Variants in KIF26B observed in about 807,000 individuals in gnomAD.
KIF26B encodes kinesin-like protein KIF26B.
Under a neutral mutation model 151.2 loss-of-function variants are expected in KIF26B, and 63 were observed. That is an observed-to-expected ratio of 0.42 (90% confidence interval 0.34 to 0.51). The LOEUF is 0.51. Among genes scored for constraint, KIF26B ranks in the 20% least tolerant of loss-of-function variants. The pLI is 0.07. For missense variants in KIF26B, 2,813 were observed against 2,913.6 expected (o/e 0.97, Z 0.79); for synonymous variants, 1,357 against 1,262.1 (o/e 1.08, Z -1.59).
intron 14 of KIF26B, among the ~76,000 whole-genome samples, chr1:245,700,922 TTTCA>T (rs2044762183): frequency 6.6e-6 from 1 of 152,238 alleles, no homozygotes; most frequent in African/African-American, 2.4e-5. Flanking sequence ...AGGGGCCTCC[TTTCA>T]GTCAGTCAGT....
rs915828164 is a variant in KIF26B, at chr1:245,709,425, T to C, written c.*6819T>C. Reference sequence around the variant, plus strand: ...CTATGGTGGCATTAAATGTTCACTTTTATTCTACCCAGAGTTGTGAATTCC... The same window carrying C: ...CTATGGTGGCATTAAATGTTCACTTCTATTCTACCCAGAGTTGTGAATTCC... On this transcript the variant is annotated 3_prime_UTR_variant, in exon 15 of 15. Coordinates refer to ENST00000407071, the MANE Select transcript of KIF26B (RefSeq NM_018012.4). 1 of 152,236 alleles carries C rather than the reference T, an allele frequency of 6.6e-6. No individual in the cohort carries two copies. The highest frequency in any genetic ancestry group is 2.4e-5 in the African/African-American group (1 of 41,466). 9.4% of individuals were successfully genotyped at this position (152,236 alleles called of 1,614,324 possible).
rs759427882 is a variant in KIF26B, at chr1:245,698,955, C to T, written c.6096C>T (p.Arg2032=). The T allele has an allele frequency of 1.5e-5, 24 of 1,613,876 alleles. No homozygotes were observed. The highest frequency in any genetic ancestry group is 1.6e-4 in the Middle Eastern group (1 of 6,084). Reference sequence around the variant, plus strand: ...GCCAGCAGAGGATCGCCGAGGTCCGCGCGAAGTACGAGTGGCTGATGAAGG... The same window carrying T: ...GCCAGCAGAGGATCGCCGAGGTCCGTGCGAAGTACGAGTGGCTGATGAAGG... ...EHRQQRIAEV[R]AKYEWLMKEL... is the part of the protein sequence containing the mutation. Residue 2032 remains arginine (R), a synonymous_variant, in exon 14 of 15, where the codon CGC becomes CGT. Coordinates refer to ENST00000407071, the MANE Select transcript of KIF26B (RefSeq NM_018012.4). This position sits in a 1 kb window ranked among gnomAD's most constrained non-coding sequence, Gnocchi z 4.0.
chr1:245,579,370 C>G (rs1398443280), intron 5 of KIF26B, among the ~76,000 whole-genome samples: 3 of 152,196 alleles, frequency 2.0e-5, no homozygotes, highest in African/African-American at 7.2e-5. Flanking sequence ...CAGTAGGGTG[C>G]ATCTGTAGTC....
intron 9 of KIF26B, among the ~76,000 whole-genome samples, chr1:245,625,777 G>A (rs1383085748): frequency 5.7e-5 from 6 of 105,432 alleles, no homozygotes; most frequent in Non-Finnish European, 1.2e-4. Flanking sequence ...CCCCTCCCCC[G>A]GCACCCCACA....
Position 245,685,651 on chromosome 1 carries a change from G to T in KIF26B, c.2668G>T (p.Val890Phe), listed in dbSNP as rs2044502408. The part of the protein sequence containing the change: ...LTDNEGPPDF[V>F]PIVPALQKTR... ...CGACAACGAGGGCCCCCCAGACTTT[G>T]TCCCTATCGTGCCAGCCCTGCAGAA... The change falls in exon 12 of 15, where the codon GTC becomes TTC. Residue 890 changes from valine to phenylalanine, a missense_variant. Transcript: ENST00000407071. 1.9e-6 allele frequency: 3 copies of T among 1,613,308 alleles called. No homozygotes were observed. Among genetic ancestry groups the T allele is most frequent in the South Asian group, 2.2e-5 (2 of 91,030 alleles).
At chr1:245,285,149 C>T (rs975000707) in intron 2 of KIF26B, among the ~76,000 whole-genome samples, 13 of 152,364 alleles carry the variant, frequency 8.5e-5, no homozygotes, top group African/African-American at 2.6e-4. Context: ...CTTGGTGCCC[C>T]GCTGTGGGCT....
intron 2 of KIF26B, among the ~76,000 whole-genome samples, chr1:245,268,077 TG>T (rs1050340154): frequency 6.6e-6 from 1 of 151,714 alleles, no homozygotes. Context: ...GACATGGGGG[TG>T]GAAGGATCAC....
chr1:245,596,778 G>T (rs966250667), intron 5 of KIF26B, among the ~76,000 whole-genome samples: 1 of 152,152 alleles, frequency 6.6e-6, no homozygotes, highest in African/African-American at 2.4e-5. Context: ...AAATCTCTTT[G>T]TAGGTCTCTG....
intron 3 of KIF26B, among the ~76,000 whole-genome samples, chr1:245,398,455 A>G (rs890893849): frequency 6.6e-6 from 1 of 152,066 alleles, no homozygotes. Flanking sequence ...CTCCTCCTGT[A>G]TGTCTGTCCA....
At chr1:245,299,128 G>A (rs1306172925) in intron 2 of KIF26B, among the ~76,000 whole-genome samples, 1 of 152,132 alleles carries the variant, frequency 6.6e-6, no homozygotes, top group Non-Finnish European at 1.5e-5. Flanking sequence ...TTAGCTTAAC[G>A]CTCATTCCCA....
chr1:245,588,716 C>T (rs917759985), intron 5 of KIF26B, among the ~76,000 whole-genome samples: 1 of 152,190 alleles, frequency 6.6e-6, no homozygotes, highest in African/African-American at 2.4e-5. Flanking sequence ...TGCGTAAACC[C>T]AACTGGTTCC....
chr1:245,219,341 C>T (rs1205892744), intron 2 of KIF26B, among the ~76,000 whole-genome samples: 1 of 151,734 alleles, frequency 6.6e-6, no homozygotes, highest in East Asian at 2.0e-4. Flanking sequence ...GGATGGTCTC[C>T]ATCTTCTGAC....
At chr1:245,161,291 T>G (rs1237251656) in intron 2 of KIF26B, among the ~76,000 whole-genome samples, 2 of 152,218 alleles carry the variant, frequency 1.3e-5, no homozygotes, top group African/African-American at 4.8e-5. Flanking sequence ...ATAATGGCAG[T>G]TCATTCTACC....
At chr1:245,700,706 A>T (rs563345062) in intron 14 of KIF26B, among the ~76,000 whole-genome samples, 1 of 152,282 alleles carries the variant, frequency 6.6e-6, no homozygotes, top group Non-Finnish European at 1.5e-5. Flanking sequence ...GAGGAGTTGG[A>T]TCTTCTGTTA....
chr1:245,499,611 T>C (rs1297430168), intron 4 of KIF26B, among the ~76,000 whole-genome samples: 1 of 152,216 alleles, frequency 6.6e-6, no homozygotes, highest in Non-Finnish European at 1.5e-5. Flanking sequence ...AGTTTCCACT[T>C]ACATATATTC....
intron 2 of KIF26B, among the ~76,000 whole-genome samples, chr1:245,312,863 G>A (rs1471483129): frequency 6.6e-6 from 1 of 152,104 alleles, no homozygotes; most frequent in Non-Finnish European, 1.5e-5. Context: ...AAATTCAAGG[G>A]AAGATGGATG....
chr1:245,655,465 A>T (rs1288401132), intron 10 of KIF26B, among the ~76,000 whole-genome samples: 5 of 152,188 alleles, frequency 3.3e-5, no homozygotes, highest in Non-Finnish European at 5.9e-5. Context: ...ACCCTCATGC[A>T]TTTATTCAAT....
At chr1:245,458,742 C>T (rs1047248642) in intron 4 of KIF26B, among the ~76,000 whole-genome samples, 1 of 152,224 alleles carries the variant, frequency 6.6e-6, no homozygotes, top group Non-Finnish European at 1.5e-5. Flanking sequence ...GTTGGTAACA[C>T]GGGACTCAGT....
intron 2 of KIF26B, among the ~76,000 whole-genome samples, chr1:245,232,395 AGTT>A (rs933856368): frequency 1.3e-5 from 2 of 152,214 alleles, no homozygotes; most frequent in African/African-American, 4.8e-5. Flanking sequence ...TTAGGCTTGT[AGTT>A]CTTACAAACA....
Sources: gnomAD v4.1 joint callset for allele counts (sites outside exome capture counted in the v4.1 genomes callset) on GRCh38, gnomAD v4.1.1 for gene constraint, Gnocchi (gnomAD v3.1) non-coding constraint, MANE v1.5 for transcripts, NCBI Gene and HGNC (gene_info 2026-07-23, HGNC 2026-07-21) for gene names.